The following WASF3 variants were observed in gnomAD, a reference collection of about 807,000 sequenced individuals.
The protein encoded by WASF3 is WASP family member 3.
WASF3 carries 11 observed loss-of-function variants against 46.6 expected under a neutral mutation model. The ratio of observed to expected loss-of-function variants is 0.24; its 90% CI spans 0.15 to 0.39. WASF3 has a LOEUF of 0.39. Among genes scored for constraint, WASF3 ranks in the 10% least tolerant of loss-of-function variants. The pLI is 1.00. For synonymous variants in WASF3, 242 were observed against 259.7 expected, an observed-to-expected ratio of 0.93 and a Z score of 0.65; for missense variants, 576 against 669.8, an observed-to-expected ratio of 0.86 and a Z score of 1.55.
chr13:26,649,464 C>G (rs1247847779), intron 3 of WASF3, among the ~76,000 whole-genome samples: 1 of 152,160 alleles, frequency 6.6e-6, no homozygotes, highest in Non-Finnish European at 1.5e-5. Flanking sequence ...TCACTCCTGT[C>G]TACACAATAA....
At chr13:26,605,846 G>A (rs1310053045) in intron 1 of WASF3, among the ~76,000 whole-genome samples, 7 of 152,152 alleles carry the variant, frequency 4.6e-5, no homozygotes, top group African/African-American at 9.7e-5. Flanking sequence ...TTGTGGTAAT[G>A]AATAACTAGG....
chr13:26,562,681 A>C (rs1484148865), intron 1 of WASF3, among the ~76,000 whole-genome samples: 1 of 151,992 alleles, frequency 6.6e-6, no homozygotes, highest in Non-Finnish European at 1.5e-5. Context: ...GCCTGAGGAC[A>C]TGATGAATGA....
At chr13:26,643,707 G>GT (rs770307888) in intron 3 of WASF3, among the ~76,000 whole-genome samples, 2 of 152,182 alleles carry the variant, frequency 1.3e-5, no homozygotes, top group Non-Finnish European at 2.9e-5. Flanking sequence ...GGCACAAAGT[G>GT]TAAGTGATGA....
intron 1 of WASF3, among the ~76,000 whole-genome samples, chr13:26,567,783 A>G (rs1408578540): frequency 6.6e-6 from 1 of 151,802 alleles, no homozygotes; most frequent in Non-Finnish European, 1.5e-5. Context: ...GCCTATGTGT[A>G]TGTGTGTGCG....
At chr13:26,642,128 A>T in intron 2 of WASF3, 133 bp from the exon 3 acceptor site, 1 of 920,880 alleles carries the variant, frequency 1.1e-6, no homozygotes, top group Non-Finnish European at 1.5e-6. Context: ...GTTGCATTTT[A>T]GCTGATTCTG....
chr13:26,564,692 G>T (rs951512318), intron 1 of WASF3, among the ~76,000 whole-genome samples: 1 of 152,182 alleles, frequency 6.6e-6, no homozygotes, highest in East Asian at 1.9e-4. Flanking sequence ...TCAGCTAAAT[G>T]GATGAAGTGG....
At chr13:26,616,724 A>G (rs984291733) in intron 2 of WASF3, among the ~76,000 whole-genome samples, 3 of 152,116 alleles carry the variant, frequency 2.0e-5, no homozygotes, top group Non-Finnish European at 2.9e-5. Context: ...GGGGCTGTAC[A>G]TGAGTCAATA....
chr13:26,603,730 G>C (rs901359727), intron 1 of WASF3, among the ~76,000 whole-genome samples: 2 of 152,188 alleles, frequency 1.3e-5, no homozygotes, highest in Non-Finnish European at 2.9e-5. Flanking sequence ...ATGATGGCCT[G>C]TGAACAACTT....
chr13:26,598,497 A>G (rs1237153602), intron 1 of WASF3, among the ~76,000 whole-genome samples: 1 of 152,194 alleles, frequency 6.6e-6, no homozygotes, highest in Non-Finnish European at 1.5e-5. Flanking sequence ...CATTAAGAAC[A>G]AGAAAGACTG....
At chr13:26,587,315 G>GGT (rs1880160497) in intron 1 of WASF3, among the ~76,000 whole-genome samples, 1 of 150,598 alleles carries the variant, frequency 6.6e-6, no homozygotes, top group Non-Finnish European at 1.5e-5. Flanking sequence ...AATAAAAGGT[G>GGT]GTGTATCATC....
At chr13:26,604,138 T>C (rs531390320) in intron 1 of WASF3, among the ~76,000 whole-genome samples, 7 of 152,108 alleles carry the variant, frequency 4.6e-5, no homozygotes, top group African/African-American at 1.7e-4. Context: ...GTATTTACTG[T>C]GTGATTTTTT....
the WASF3 span, among the ~76,000 whole-genome samples, chr13:26,539,763 T>C: frequency 1.3e-5 from 2 of 152,260 alleles, no homozygotes; most frequent in South Asian, 4.1e-4. Context: ...TGGTCTGTTG[T>C]TGGAGATGCT....
At chr13:26,582,576 C>T (rs990294507) in intron 1 of WASF3, among the ~76,000 whole-genome samples, 1 of 144,614 alleles carries the variant, frequency 6.9e-6, no homozygotes, top group Non-Finnish European at 1.5e-5. Context: ...ACTCGGGAGG[C>T]TGAGGCAGGA....
At position 26,676,634 on chromosome 13, in the gene WASF3, C is replaced by T. The variant is rs1425087799; in HGVS notation, c.626C>T (p.Ala209Val). ...AGGCGCCAGGAGTGGAATATGATGG[C>T]ATATGACAAAGAGCTTAGACCCGAC... ...RNRRQEWNMM[A>V]YDKELRPDNR... is the part of the protein sequence containing the mutation. The change falls in exon 7 of 10, where the codon GCA (alanine) becomes GTA (valine). Residue 209 changes from alanine (A) to valine (V), a missense_variant. Around this residue, in one of 3 missense-constraint regions of WASF3, gnomAD observed 213 missense variants for 278.0 expected, o/e 0.77. Transcript: ENST00000335327. 6.2e-7 allele frequency: 1 copy of T among 1,614,042 alleles called. No individual in the cohort carries two copies. Among genetic ancestry groups the T allele is most frequent in the Non-Finnish European group, 8.5e-7 (1 of 1,180,032 alleles).
chr13:26,551,606 A>G, the WASF3 span, among the ~76,000 whole-genome samples: 8 of 152,136 alleles, frequency 5.3e-5, no homozygotes, highest in Non-Finnish European at 1.2e-4. Context: ...AAGGAGTGCA[A>G]GGAGAGTACA....
chr13:26,649,668 T>C (rs924146419), intron 3 of WASF3, among the ~76,000 whole-genome samples: 3 of 152,212 alleles, frequency 2.0e-5, no homozygotes, highest in Non-Finnish European at 2.9e-5. Flanking sequence ...AAGGGCCCAG[T>C]CAGAGGGGCT....
At chr13:26,540,188 T>A in the WASF3 span, among the ~76,000 whole-genome samples, 15 of 152,274 alleles carry the variant, frequency 9.9e-5, no homozygotes, top group East Asian at 2.9e-3. Context: ...CAAGATAGAA[T>A]GCCAGTTCCT....
intron 3 of WASF3, among the ~76,000 whole-genome samples, chr13:26,659,572 G>A (rs1027210011): frequency 6.6e-6 from 1 of 152,198 alleles, no homozygotes; most frequent in African/African-American, 2.4e-5. Context: ...GAGCAGGGGC[G>A]TGGATGGAGG....
In WASF3 at chr13:26,568,894, G is replaced by T. The variant is rs1426351094; in HGVS notation, c.-109+11075G>T. Among the ~76,000 whole-genome samples, 4 of 152,180 alleles carry T rather than the reference G, an allele frequency of 2.6e-5. No homozygotes were observed. In the South Asian group the frequency reaches 8.3e-4, roughly 32 times the overall value. On this transcript the variant is annotated intron_variant, in intron 1 of 9. Transcript: ENST00000335327. ...AGTATGAATTAGTTGCACAATGTAC[G>T]TCTCAGTAATTAAGCAAACCGGTCT...
Sources: allele counts gnomAD v4.1 joint callset (sites outside exome capture counted in the v4.1 genomes callset), GRCh38; gene constraint gnomAD v4.1.1; regional missense constraint gnomAD v4.1.1; transcripts MANE v1.5; gene names NCBI Gene and HGNC (gene_info 2026-07-23, HGNC 2026-07-21).